Variants in TEX36 observed in about 807,000 individuals in gnomAD.
The protein encoded by TEX36 is testis-expressed protein 36.
TEX36 carries 12 observed loss-of-function variants against 13.6 expected under a neutral mutation model. The observed-to-expected ratio is 0.88, with a 90% CI of 0.56 to 1.43. TEX36 has a LOEUF of 1.43. Among genes scored for constraint, TEX36 ranks in the 40% most tolerant of loss-of-function variants. The pLI, the probability that TEX36 is intolerant of heterozygous loss-of-function variation, is 0.00. For synonymous variants in TEX36, 93 were observed against 83.0 expected, an observed-to-expected ratio of 1.12 and a Z score of -0.65; for missense variants, 224 against 228.3, an observed-to-expected ratio of 0.98 and a Z score of 0.12.
chr10:125,577,184 C>T (rs892826622), intron 3 of TEX36, among the ~76,000 whole-genome samples: 1 of 152,160 alleles, frequency 6.6e-6, no homozygotes, highest in Non-Finnish European at 1.5e-5. Context: ...GTCTCAGGTG[C>T]TCTTCTGCAT....
chr10:125,682,927 C>A lies in TEX36; in HGVS notation c.51+12G>T. ...GCATGAGAAAGGCACCAGGGGCCAC[C>A]ATCTTCCTTACCCATCTCCCATCCT... On this transcript the variant is annotated intron_variant, in intron 1 of 3. Coordinates refer to ENST00000368821, the MANE Select transcript of TEX36 (RefSeq NM_001128202.3). 2 of 1,551,738 alleles carry A rather than the reference C, an allele frequency of 1.3e-6. No individual in the cohort carries two copies. The highest frequency in any genetic ancestry group is 1.7e-6 in the Non-Finnish European group (2 of 1,147,000).
intron 3 of TEX36, among the ~76,000 whole-genome samples, chr10:125,633,625 G>A (rs921697406): frequency 2.6e-5 from 4 of 152,066 alleles, no homozygotes; most frequent in Non-Finnish European, 5.9e-5. Flanking sequence ...CAAACACCAT[G>A]TACCTCGTAT....
At chr10:125,662,335 T>C (rs962902510) in intron 1 of TEX36, among the ~76,000 whole-genome samples, 10 of 152,062 alleles carry the variant, frequency 6.6e-5, no homozygotes, top group Non-Finnish European at 1.3e-4. Flanking sequence ...GAGCTCCCAG[T>C]ACTGAGGACC....
chr10:125,679,822 C>T (rs574608577), intron 1 of TEX36, among the ~76,000 whole-genome samples: 1 of 152,326 alleles, frequency 6.6e-6, no homozygotes, highest in African/African-American at 2.4e-5. Context: ...TGCTTCTAGT[C>T]AGCCATCTTG....
intron 3 of TEX36, among the ~76,000 whole-genome samples, chr10:125,656,787 C>T (rs542505390): frequency 1.3e-5 from 2 of 152,110 alleles, no homozygotes; most frequent in Non-Finnish European, 2.9e-5. Flanking sequence ...GACAATCCAG[C>T]CAGAAACAGA....
intron 1 of TEX36, among the ~76,000 whole-genome samples, chr10:125,681,720 A>G (rs1288153804): frequency 6.6e-6 from 1 of 152,240 alleles, no homozygotes; most frequent in Non-Finnish European, 1.5e-5. Flanking sequence ...CAAGGTATAC[A>G]TTTGTGTGTA....
intron 3 of TEX36, among the ~76,000 whole-genome samples, chr10:125,641,407 G>A (rs570842141): frequency 1.3e-5 from 2 of 152,320 alleles, no homozygotes; most frequent in African/African-American, 4.8e-5. Flanking sequence ...TCATGTCTGA[G>A]GGCCTTTACA....
At chr10:125,663,895 T>A (rs2133598637) in intron 1 of TEX36, among the ~76,000 whole-genome samples, 1 of 152,322 alleles carries the variant, frequency 6.6e-6, no homozygotes, top group Admixed American at 6.5e-5. Context: ...GTACAATAGA[T>A]TATGATTGAC....
chr10:125,638,357 A>G (rs1846644685), intron 3 of TEX36, among the ~76,000 whole-genome samples: 1 of 152,146 alleles, frequency 6.6e-6, no homozygotes, highest in African/African-American at 2.4e-5. Flanking sequence ...ATCCTAAAAA[A>G]GAAAGAGAGA....
At chr10:125,644,066 T>G (rs1376206474) in intron 3 of TEX36, among the ~76,000 whole-genome samples, 1 of 152,086 alleles carries the variant, frequency 6.6e-6, no homozygotes, top group Non-Finnish European at 1.5e-5. Context: ...TAACAAGCTA[T>G]AGAAATAAGT....
intron 1 of TEX36, among the ~76,000 whole-genome samples, chr10:125,679,768 G>A (rs947367823): frequency 6.6e-6 from 1 of 152,176 alleles, no homozygotes; most frequent in Non-Finnish European, 1.5e-5. Context: ...GTGACTGCCT[G>A]TACACTATTT....
At chr10:125,579,440 C>T (rs542268815) in intron 3 of TEX36, among the ~76,000 whole-genome samples, 1 of 152,312 alleles carries the variant, frequency 6.6e-6, no homozygotes, top group Admixed American at 6.5e-5. Flanking sequence ...AATCACCTCC[C>T]ATGAAGCCCC....
intron 3 of TEX36, among the ~76,000 whole-genome samples, chr10:125,579,604 T>A (rs996785932): frequency 1.2e-4 from 18 of 152,220 alleles, no homozygotes; most frequent in African/African-American, 4.3e-4. Flanking sequence ...CCAAATTTCA[T>A]GTTGAATTGT....
chr10:125,605,682 A>T (rs1053771062), intron 3 of TEX36, among the ~76,000 whole-genome samples: 1 of 152,024 alleles, frequency 6.6e-6, no homozygotes, highest in Non-Finnish European at 1.5e-5. Flanking sequence ...GCTCACTGCA[A>T]CCTCCACCTT....
At chr10:125,608,105 C>T (rs1406202842) in intron 3 of TEX36, among the ~76,000 whole-genome samples, 2 of 152,186 alleles carry the variant, frequency 1.3e-5, no homozygotes, top group Non-Finnish European at 2.9e-5. Flanking sequence ...TTAGCAACAG[C>T]TCACAGGAAA....
intron 3 of TEX36, among the ~76,000 whole-genome samples, chr10:125,632,243 G>T (rs1844397185): frequency 1.3e-5 from 2 of 152,190 alleles, no homozygotes; most frequent in African/African-American, 4.8e-5. Context: ...ACTCACATTT[G>T]GACTGGCTGA....
chr10:125,653,375 A>G (rs1381799007), downstream of TEX36, among the ~76,000 whole-genome samples: 10 of 151,810 alleles, frequency 6.6e-5, no homozygotes, highest in African/African-American at 7.3e-5. Context: ...TTCTGAGCAA[A>G]CTATTGCAAG....
intron 3 of TEX36, among the ~76,000 whole-genome samples, chr10:125,615,208 T>A (rs1246958865): frequency 1.3e-5 from 2 of 152,076 alleles, no homozygotes; most frequent in Non-Finnish European, 2.9e-5. Flanking sequence ...TTTCTAGATA[T>A]ACAATCATGT....
At position 125,615,525 on chromosome 10, in the gene TEX36, C is replaced by T. The variant is rs554730609; in HGVS notation, c.265-38651G>A. Among the ~76,000 whole-genome samples, 530 of 152,170 alleles carry T rather than the reference C, an allele frequency of 3.5e-3. 1 individual carries two copies. The highest frequency in any genetic ancestry group is 5.1e-3 in the Non-Finnish European group (344 of 68,014). On this transcript the variant is annotated intron_variant, in intron 3 of 3. Coordinates refer to the TEX36 transcript ENST00000532135. ...TGAATTTTATCAAAGGCCTTTTCTG[C>T]ATCTATTGAGATAATCATGTGGTTT...
Sources: gnomAD v4.1 joint callset for allele counts (sites outside exome capture counted in the v4.1 genomes callset) on GRCh38, gnomAD v4.1.1 for gene constraint, MANE v1.5 for transcripts, NCBI Gene and HGNC (gene_info 2026-07-23, HGNC 2026-07-21) for gene names.